PSORS1C1: variants seen among roughly 807,000 people sequenced by gnomAD.
The protein encoded by PSORS1C1 is psoriasis susceptibility 1 candidate 1.
Under a neutral mutation model 9.4 loss-of-function variants are expected in PSORS1C1, and 7 were observed. The ratio of observed to expected loss-of-function variants is 0.75; its 90% CI spans 0.42 to 1.40. PSORS1C1 has a LOEUF of 1.40. Among genes scored for constraint, PSORS1C1 ranks in the 40% most tolerant of loss-of-function variants. The pLI, the probability that PSORS1C1 is intolerant of heterozygous loss-of-function variation, is 0.01. For missense variants in PSORS1C1, 146 were observed against 178.1 expected, an observed-to-expected ratio of 0.82 and a Z score of 1.02; for synonymous variants, 63 against 69.4, an observed-to-expected ratio of 0.91 and a Z score of 0.46.
In PSORS1C1 at chr6:31,114,920, GA is replaced by G. The variant is rs137978755; in HGVS notation, c.-229+30del. On this transcript the variant is annotated intron_variant, in intron 1 of 5. Coordinates refer to ENST00000259881, the MANE Select transcript of PSORS1C1 (RefSeq NM_014068.3). ...AGGAATGCTAATGGTGGAAGAAAAG[GA>G]GTTTGGGTGGGGAGGGGAGGGGAGG... The G allele has an allele frequency of 4.8e-3, 2,162 of 446,100 alleles. 13 individuals are homozygous for G. Among genetic ancestry groups the G allele is most frequent in the Non-Finnish European group, 7.6e-3 (1,705 of 223,294 alleles). 27.6% of individuals were successfully genotyped at this position (446,100 alleles called of 1,614,324 possible). A position where few individuals can be genotyped will look rare whatever the true frequency, so the allele number is the denominator to read the frequency against.
chr6:31,126,642 C>T (rs761836541), intron 2 of PSORS1C1, among the ~76,000 whole-genome samples: 3 of 152,228 alleles, frequency 2.0e-5, no homozygotes, highest in Non-Finnish European at 4.4e-5. Flanking sequence ...CCCTGCCAGC[C>T]TCCGACGGGC....
chr6:31,129,797 T>C, intron 3 of PSORS1C1, 152 bp downstream of exon 3: 1 of 631,778 alleles, frequency 1.6e-6, no homozygotes, highest in Non-Finnish European at 2.9e-6. Context: ...GCTCATACTT[T>C]CCAAGGAAAT....
chr6:31,134,512 A>G (rs1032031174), intron 3 of PSORS1C1, among the ~76,000 whole-genome samples: 52 of 151,356 alleles, frequency 3.4e-4, no homozygotes, highest in African/African-American at 9.0e-4. Flanking sequence ...TCACCATGTT[A>G]GCCAGGATGG....
chr6:31,137,905 TG>T, intron 3 of PSORS1C1: 2 of 924,874 alleles, frequency 2.2e-6, no homozygotes, highest in Non-Finnish European at 3.1e-6. Context: ...GGAGAGGGCG[TG>T]GGTGCCTGGA....
intron 1 of PSORS1C1, chr6:31,120,463 C>T (rs1305298581): frequency 6.7e-7 from 1 of 1,491,592 alleles, no homozygotes; most frequent in East Asian, 2.5e-5. Context: ...TCAAGGACAC[C>T]CGGGTCCTTT....
At position 31,115,910 on chromosome 6, in the gene PSORS1C1, G is replaced by A. The variant is rs1772082160; in HGVS notation, c.-229+1019G>A. 3.3e-6 allele frequency: 3 copies of A among 904,870 alleles called. No individual in the cohort carries two copies. Among genetic ancestry groups the A allele is most frequent in the Non-Finnish European group, 5.4e-6 (3 of 559,888 alleles). The allele number at this position is 904,870 out of a possible 1,614,324, so 56.1% of individuals were successfully genotyped here. ...GTGGAGAAAGCAGAACCACTCTTTT[G>A]GGAAGGAGGGAAACTGAGCTAACCC... is the stretch of plus-strand genomic sequence containing the variant. On this transcript the variant is annotated intron_variant, in intron 1 of 5. Coordinates refer to ENST00000259881, the MANE Select transcript of PSORS1C1 (RefSeq NM_014068.3). This position sits in a 1 kb window ranked among gnomAD's most constrained non-coding sequence, Gnocchi z 4.2.
chr6:31,121,032 T>G (rs1443644306), intron 1 of PSORS1C1, among the ~76,000 whole-genome samples: 1 of 151,846 alleles, frequency 6.6e-6, no homozygotes, highest in Non-Finnish European at 1.5e-5. Flanking sequence ...ACTCCCCAAG[T>G]ACCAGGCCAG....
At chr6:31,137,567 T>C in intron 3 of PSORS1C1, 2 of 264,066 alleles carry the variant, frequency 7.6e-6, no homozygotes, top group Non-Finnish European at 1.4e-5. Flanking sequence ...TTCCGTTTCA[T>C]GGAAGCAGCA....
At chr6:31,117,505 G>A (rs1287812560) in intron 1 of PSORS1C1, 1 of 1,550,968 alleles carries the variant, frequency 6.4e-7, no homozygotes, top group Non-Finnish European at 8.7e-7. Flanking sequence ...GTCTGAGAAG[G>A]TGCCAATGCT....
At chr6:31,116,299 G>T in intron 1 of PSORS1C1, 1 of 1,614,116 alleles carries the variant, frequency 6.2e-7, no homozygotes, top group Non-Finnish European at 8.5e-7. Context: ...TTTGCCACTG[G>T]ATTGGGAACT....
At chr6:31,117,493 G>C (rs774731362) in intron 1 of PSORS1C1, 47 of 1,551,298 alleles carry the variant, frequency 3.0e-5, no homozygotes, top group Non-Finnish European at 4.1e-5. Flanking sequence ...GTCCTTACAA[G>C]GGTCTGAGAA....
chr6:31,122,327 C>A (rs1371355182), intron 1 of PSORS1C1, among the ~76,000 whole-genome samples: 1 of 152,198 alleles, frequency 6.6e-6, no homozygotes, highest in Non-Finnish European at 1.5e-5. Context: ...TTCATCCTTC[C>A]ACTGGGGGAG....
chr6:31,117,331 G>T (rs1002163875), intron 1 of PSORS1C1: 2 of 1,578,366 alleles, frequency 1.3e-6, no homozygotes, highest in Non-Finnish European at 1.7e-6. Context: ...GGCAATGCTG[G>T]ATCCGCTGGA....
At chr6:31,120,431 C>G in intron 1 of PSORS1C1, 1 of 1,568,540 alleles carries the variant, frequency 6.4e-7, no homozygotes, top group South Asian at 1.2e-5. Context: ...TCGGACTGCA[C>G]GGCCTCCTGA....
At chr6:31,121,304 G>A (rs1218225630) in intron 1 of PSORS1C1, among the ~76,000 whole-genome samples, 7 of 152,158 alleles carry the variant, frequency 4.6e-5, no homozygotes, top group South Asian at 2.1e-4. Context: ...GACCTCAAGG[G>A]TGAGCAAGAG....
intron 1 of PSORS1C1, chr6:31,117,643 A>C: frequency 2.3e-6 from 2 of 879,694 alleles, no homozygotes; most frequent in Non-Finnish European, 3.7e-6. Context: ...GAGCGCAGGG[A>C]GAGTTTAGGG....
In PSORS1C1 at chr6:31,125,111, G is replaced by T. The variant is rs1772622386; in HGVS notation, c.-228-565G>T. ...ACATAGGGGTCCTTGGTAGACCAGG[G>T]CTTAGGCTTGGAAGAAGGAAAATGG... On this transcript the variant is annotated intron_variant, in intron 1 of 5. Coordinates refer to ENST00000259881, the MANE Select transcript of PSORS1C1 (RefSeq NM_014068.3). 2.0e-5 allele frequency among the ~76,000 whole-genome samples: 3 copies of T among 152,192 alleles called. 1 individual carries two copies.
intron 2 of PSORS1C1, among the ~76,000 whole-genome samples, chr6:31,126,274 C>T (rs1308962384): frequency 6.6e-6 from 1 of 152,224 alleles, no homozygotes; most frequent in African/African-American, 2.4e-5. Flanking sequence ...GCAGTGTTCA[C>T]ATGGCTGTGA....
intron 1 of PSORS1C1, chr6:31,117,860 A>G: frequency 5.5e-6 from 2 of 360,688 alleles, no homozygotes. Context: ...GCACTTTGGG[A>G]GGCCGAGGTG....
Sources: allele counts gnomAD v4.1 joint callset (sites outside exome capture counted in the v4.1 genomes callset), GRCh38; gene constraint gnomAD v4.1.1; non-coding constraint Gnocchi (gnomAD v3.1); transcripts MANE v1.5; gene names NCBI Gene and HGNC (gene_info 2026-07-23, HGNC 2026-07-21).